CD36: variants seen among roughly 807,000 people sequenced by gnomAD.
CD36 encodes platelet glycoprotein 4.
A neutral mutation model predicts 55.2 loss-of-function variants in CD36; 119 were observed. The observed-to-expected ratio is 2.15, with a 90% CI of 1.86 to 2.51. The LOEUF is 2.51. Among genes scored for constraint, CD36 ranks in the 30% most tolerant of loss-of-function variants. CD36 has a pLI of 0.00. For missense variants in CD36, 819 were observed against 555.5 expected, an observed-to-expected ratio of 1.47 and a Z score of -4.77; for synonymous variants, 186 against 193.6, an observed-to-expected ratio of 0.96 and a Z score of 0.33.
intron 3 of CD36, among the ~76,000 whole-genome samples, chr7:80,652,115 C>T (rs1434297122): frequency 2.0e-5 from 3 of 151,456 alleles, no homozygotes; most frequent in Non-Finnish European, 4.4e-5. Context: ...TAAGAACAAC[C>T]CAAAATATTT....
intron 8 of CD36, among the ~76,000 whole-genome samples, chr7:80,669,720 C>A (rs1196351449): frequency 6.6e-6 from 1 of 152,116 alleles, no homozygotes; most frequent in African/African-American, 2.4e-5. Context: ...TGGTCTCAAA[C>A]CCCTGACCTC....
At chr7:80,650,419 C>T (rs1052146116) in intron 3 of CD36, among the ~76,000 whole-genome samples, 22 of 152,138 alleles carry the variant, frequency 1.4e-4, no homozygotes, top group African/African-American at 5.3e-4. Context: ...ATATCTTTGG[C>T]ATAGAGTAGG....
In CD36 at chr7:80,678,685, T is replaced by G. The variant is rs947024317; in HGVS notation, c.*2302T>G. The G allele has an allele frequency of 7.2e-5, 11 of 152,040 alleles. No individual in the cohort carries two copies. The highest frequency in any genetic ancestry group is 2.4e-4 in the African/African-American group (10 of 41,404). 9.4% of individuals were successfully genotyped at this position (152,040 alleles called of 1,614,324 possible). A position where few individuals can be genotyped will look rare whatever the true frequency, so the allele number is the denominator to read the frequency against. On this transcript the variant is annotated 3_prime_UTR_variant, in exon 15 of 15. Coordinates refer to ENST00000447544, the MANE Select transcript of CD36 (RefSeq NM_001001548.3). ...CTGGCCAACATGGTGAAACCTCATC[T>G]CTACTAAAAATACAAAAATGAGCGG...
At chr7:80,642,140 C>G (rs1211683483) in intron 1 of CD36, among the ~76,000 whole-genome samples, 1 of 152,002 alleles carries the variant, frequency 6.6e-6, no homozygotes, top group Non-Finnish European at 1.5e-5. Context: ...TCCCTTTCTT[C>G]TTTATACAAG....
rs1234395453 is a variant in CD36 at position 80,646,768 on chromosome 7, A to G, written c.28A>G (p.Ile10Val). The G allele has an allele frequency of 6.2e-7, 1 of 1,613,792 alleles. No individual in the cohort carries two copies. Among genetic ancestry groups the G allele is most frequent in the East Asian group, 2.2e-5 (1 of 44,866 alleles). Residue 10 changes from isoleucine (I) to valine (V), a missense_variant, in exon 3 of 15, where the codon ATC becomes GTC. Transcript: ENST00000447544. ...GGGCTGTGACCGGAACTGTGGGCTC[A>G]TCGCTGGGGCTGTCATTGGTGCTGT... MGCDRNCGL[I>V]AGAVIGAVLA... is the part of the protein sequence containing the mutation.
At chr7:80,616,822 G>C (rs1284089238) in intron 1 of CD36, among the ~76,000 whole-genome samples, 1 of 152,098 alleles carries the variant, frequency 6.6e-6, no homozygotes, top group East Asian at 1.9e-4. Context: ...TACGGCGATT[G>C]TAAGGATCAT....
intron 1 of CD36, among the ~76,000 whole-genome samples, chr7:80,608,838 G>A (rs1366015290): frequency 6.6e-6 from 1 of 152,114 alleles, no homozygotes; most frequent in East Asian, 1.9e-4. Flanking sequence ...TAGTCACCAA[G>A]CCGTAGCTAT....
chr7:80,648,279 G>T (rs1384229774), intron 3 of CD36, among the ~76,000 whole-genome samples: 1 of 152,050 alleles, frequency 6.6e-6, no homozygotes, highest in Non-Finnish European at 1.5e-5. Flanking sequence ...TGCAGAGAAA[G>T]TACAAGATCA....
intron 1 of CD36, among the ~76,000 whole-genome samples, chr7:80,621,449 A>C (rs1793466131): frequency 6.6e-6 from 1 of 152,226 alleles, no homozygotes; most frequent in South Asian, 2.1e-4. Context: ...TTTGGGACAA[A>C]TAATACATGG....
chr7:80,619,344 CACA>C (rs1373830931), intron 1 of CD36, among the ~76,000 whole-genome samples: 1 of 152,140 alleles, frequency 6.6e-6, no homozygotes, highest in African/African-American at 2.4e-5. Flanking sequence ...TGCCTGCTAA[CACA>C]ACATCAGTTT....
chr7:80,652,125 TAAATTA>T, intron 3 of CD36, among the ~76,000 whole-genome samples: 1 of 152,222 alleles, frequency 6.6e-6, no homozygotes. Flanking sequence ...CCAAAATATT[TAAATTA>T]AAATAGCAGT....
intron 9 of CD36, 44 bp downstream of exon 9, chr7:80,670,066 A>G (rs759115063): frequency 8.3e-7 from 1 of 1,207,664 alleles, no homozygotes; most frequent in Non-Finnish European, 1.2e-6. Context: ...GTCAGACCCC[A>G]GGTGACAAAA....
In CD36 at chr7:80,656,684, G is replaced by T. The variant is rs374729345; in HGVS notation, c.265G>T (p.Gly89Cys). Reference sequence around the variant, plus strand: ...CAGCAACATTCAAGTTAAGCAAAGAGGTCCTTATACGTACAGGTGAGTGAG... The same window carrying T: ...CAGCAACATTCAAGTTAAGCAAAGATGTCCTTATACGTACAGGTGAGTGAG... ...NSSNIQVKQR[G>C]PYTYRVRFLA... Residue 89 changes from glycine (G) to cysteine (C), a missense_variant, in exon 4 of 15, where the codon GGT becomes TGT. Coordinates refer to ENST00000447544, the MANE Select transcript of CD36 (RefSeq NM_001001548.3). 4.5e-5 allele frequency: 73 copies of T among 1,613,468 alleles called. No individual in the cohort carries two copies. Among genetic ancestry groups the T allele is most frequent in the Non-Finnish European group, 5.1e-5 (60 of 1,179,718 alleles).
rs780525946 is a variant in CD36 at position 80,664,432 on chromosome 7, T to TA, written c.639dup (p.Val214SerfsTer7). Reference sequence around the variant, plus strand: ...ACAACAATACTGCAGATGGAGTTTATAAAGTTTTCAATGGAAAAGATAACA... The same window carrying TA: ...ACAACAATACTGCAGATGGAGTTTATAAAAGTTTTCAATGGAAAAGATAACA... On this transcript the variant is annotated frameshift_variant, in exon 7 of 15. Coordinates refer to ENST00000447544, the MANE Select transcript of CD36 (RefSeq NM_001001548.3). LOFTEE classifies it high-confidence loss of function. 6.4e-7 allele frequency: 1 copy of TA among 1,573,760 alleles called. No individual in the cohort carries two copies. Among genetic ancestry groups the TA allele is most frequent in the African/African-American group, 1.3e-5 (1 of 74,166 alleles).
chr7:80,637,247 CA>C (rs1794482493), upstream of CD36, among the ~76,000 whole-genome samples: 7 of 151,952 alleles, frequency 4.6e-5, no homozygotes, highest in South Asian at 1.5e-3. Context: ...CAGCTATCTA[CA>C]AAATAGATAT....
In CD36 at chr7:80,610,875, A is replaced by AT. The variant is rs533096739; in HGVS notation, c.-184+8503dup. Among the ~76,000 whole-genome samples the AT allele has an allele frequency of 4.1e-3, 621 of 151,238 alleles. 6 individuals are homozygous for AT. Among genetic ancestry groups the AT allele is most frequent in the Non-Finnish European group, 6.5e-3 (439 of 67,866 alleles). On this transcript the variant is annotated intron_variant, in intron 1 of 13. Coordinates refer to the CD36 transcript ENST00000309881. ...GGCCTGAGCCACGGCACCCAGCCAGATTTTTTTATTTTTTAGAGACAGGGT... is the reference window on the plus strand; with the variant it reads ...GGCCTGAGCCACGGCACCCAGCCAGATTTTTTTTATTTTTTAGAGACAGGGT...
At position 80,666,504 on chromosome 7, in the gene CD36, TTTGTG is replaced by T; in HGVS notation, c.748+16_748+20del. 4.4e-6 allele frequency: 7 copies of T among 1,595,906 alleles called. No individual in the cohort carries two copies. Among genetic ancestry groups the T allele is most frequent in the Non-Finnish European group, 5.2e-6 (6 of 1,164,054 alleles). On this transcript the variant is annotated intron_variant, in intron 8 of 14. Transcript: ENST00000447544. Reference sequence around the variant, plus strand: ...TAATGGTACAGGTAAGAATATTTGTTTTGTGGTCATCACAGTTAATCCACCTCCCT... The same window carrying T: ...TAATGGTACAGGTAAGAATATTTGTTGTCATCACAGTTAATCCACCTCCCT...
Position 80,669,962 on chromosome 7 carries a change from C to T in CD36, c.758C>T (p.Ser253Leu). ...CDMINGTDAA[S>L]FPPFVEKSQV... ...CTCGATTTTTAAACAGATGCAGCCT[C>T]ATTTCCACCTTTTGTTGAGAAAAGC... Residue 253 changes from serine (S) to leucine (L), a missense_variant, in exon 9 of 15, where the codon TCA (serine) becomes TTA (leucine). Physicochemically the swap from Ser to Leu is moderately radical, Grantham distance 145. Coordinates refer to ENST00000447544, the MANE Select transcript of CD36 (RefSeq NM_001001548.3). 6 of 1,612,010 alleles carry T rather than the reference C, an allele frequency of 3.7e-6. No individual in the cohort carries two copies. Among genetic ancestry groups the T allele is most frequent in the Non-Finnish European group, 5.1e-6 (6 of 1,178,194 alleles).
chr7:80,664,429 TTA>T lies in CD36; in HGVS notation c.636_637del (p.Tyr212Ter), dbSNP rs756628279. On this transcript the variant is annotated frameshift_variant, in exon 7 of 15. Transcript: ENST00000447544. LOFTEE classifies it high-confidence loss of function. ...YPYNNTADGV[Y>X]KVFNGKDNIS... ...AGTACAACAATACTGCAGATGGAGTTTATAAAGTTTTCAATGGAAAAGATAAC... is the reference window on the plus strand; with the variant it reads ...AGTACAACAATACTGCAGATGGAGTTTAAAGTTTTCAATGGAAAAGATAAC... 3.2e-6 allele frequency: 5 copies of T among 1,570,330 alleles called. No individual in the cohort carries two copies. In the South Asian group the frequency reaches 5.5e-5, roughly 17 times the overall value.
Sources: gnomAD v4.1 joint callset for allele counts (sites outside exome capture counted in the v4.1 genomes callset) on GRCh38, gnomAD v4.1.1 for gene constraint, MANE v1.5 for transcripts, NCBI Gene and HGNC (gene_info 2026-07-23, HGNC 2026-07-21) for gene names.